The following PAPSS1 variants were observed in gnomAD, a reference collection of about 807,000 sequenced individuals.
PAPSS1 encodes 3'-phosphoadenosine 5'-phosphosulfate synthase 1.
In PAPSS1, 50 loss-of-function variants were observed where a neutral mutation model predicts 72.0. The ratio of observed to expected loss-of-function variants is 0.69; its 90% CI spans 0.55 to 0.88. The LOEUF is 0.88. PAPSS1 is among the 40% of genes least tolerant of loss of function. The pLI is 0.00. For synonymous variants in PAPSS1, 261 were observed against 263.6 expected (o/e 0.99, Z 0.09); for missense variants, 657 against 782.2 (o/e 0.84, Z 1.91).
At chr4:107,629,932 C>A (rs1345639385) in intron 11 of PAPSS1, among the ~76,000 whole-genome samples, 4 of 152,180 alleles carry the variant, frequency 2.6e-5, no homozygotes, top group Admixed American at 2.6e-4. Context: ...CAAACAAGGG[C>A]AATTTTACAG....
intron 3 of PAPSS1, among the ~76,000 whole-genome samples, chr4:107,691,147 T>G (rs1722909537): frequency 6.6e-6 from 1 of 151,884 alleles, no homozygotes; most frequent in Non-Finnish European, 1.5e-5. Flanking sequence ...AATCTAACAC[T>G]TATCCATAAT....
chr4:107,637,396 T>G (rs915592202), intron 10 of PAPSS1, among the ~76,000 whole-genome samples: 2 of 152,198 alleles, frequency 1.3e-5, no homozygotes, highest in African/African-American at 2.4e-5. Context: ...AAAAACCTAC[T>G]TTTCAAATTT....
intron 1 of PAPSS1, among the ~76,000 whole-genome samples, chr4:107,704,740 C>T (rs1344278779): frequency 2.0e-5 from 3 of 152,112 alleles, no homozygotes; most frequent in African/African-American, 7.2e-5. Flanking sequence ...CACCTGAGGT[C>T]AGGGGTTTGA....
intron 9 of PAPSS1, among the ~76,000 whole-genome samples, chr4:107,648,957 C>A (rs1026774206): frequency 2.0e-5 from 3 of 152,188 alleles, no homozygotes. Context: ...GAATTTTTCA[C>A]AAAACTGGTA....
At chr4:107,639,906 C>T (rs865907102) in intron 10 of PAPSS1, among the ~76,000 whole-genome samples, 3 of 152,180 alleles carry the variant, frequency 2.0e-5, no homozygotes, top group Admixed American at 6.5e-5. Flanking sequence ...GGTATCCACT[C>T]GCTTACACAG....
intron 10 of PAPSS1, among the ~76,000 whole-genome samples, chr4:107,633,857 T>A (rs999484569): frequency 6.9e-6 from 1 of 144,954 alleles, no homozygotes; most frequent in Non-Finnish European, 1.5e-5. Flanking sequence ...AGGCGGAGCT[T>A]GCAGTGAGCT....
chr4:107,635,593 T>G (rs556055293), intron 10 of PAPSS1, among the ~76,000 whole-genome samples: 1 of 152,124 alleles, frequency 6.6e-6, no homozygotes, highest in East Asian at 1.9e-4. Flanking sequence ...TCCTACAAAC[T>G]GTTTTTATGA....
chr4:107,681,373 A>G (rs1039747958), intron 5 of PAPSS1, among the ~76,000 whole-genome samples: 17 of 152,180 alleles, frequency 1.1e-4, no homozygotes, highest in Non-Finnish European at 1.2e-4. Context: ...TGACCCTCCA[A>G]TGAAATGGGG....
Position 107,711,995 on chromosome 4 carries a change from C to A in PAPSS1, c.60+8125G>T, listed in dbSNP as rs137938284. On this transcript the variant is annotated intron_variant, in intron 1 of 11. Transcript: ENST00000265174. ...TTAGGAAGCAAATCTCAGGCCCTACCACAGACGTCCTGAATCAGGACTAAG... is the reference window on the plus strand; with the variant it reads ...TTAGGAAGCAAATCTCAGGCCCTACAACAGACGTCCTGAATCAGGACTAAG... Among the ~76,000 whole-genome samples the A allele has an allele frequency of 4.2e-3, 646 of 152,312 alleles. 3 individuals are homozygous for A. The highest frequency in any genetic ancestry group is 0.015 in the African/African-American group (613 of 41,576).
At chr4:107,653,895 T>G (rs1726926785) in intron 8 of PAPSS1, among the ~76,000 whole-genome samples, 1 of 152,198 alleles carries the variant, frequency 6.6e-6, no homozygotes, top group Non-Finnish European at 1.5e-5. Context: ...ACAAAAACAT[T>G]CTTTTCGTTA....
At chr4:107,706,908 A>C (rs1223073913) in intron 1 of PAPSS1, among the ~76,000 whole-genome samples, 1 of 152,150 alleles carries the variant, frequency 6.6e-6, no homozygotes, top group Non-Finnish European at 1.5e-5. Flanking sequence ...GCTGGAGCGG[A>C]TGTGGAAGCC....
intron 2 of PAPSS1, among the ~76,000 whole-genome samples, chr4:107,694,953 A>G (rs1300109295): frequency 1.2e-4 from 1 of 8,608 alleles, no homozygotes; most frequent in Non-Finnish European, 1.8e-3. Context: ...AACTGGAATA[A>G]AAAAAAAAAT....
rs1725751221 is a variant in PAPSS1, at chr4:107,613,778, G to C, written c.*471C>G. On this transcript the variant is annotated 3_prime_UTR_variant, in exon 12 of 12. Coordinates refer to ENST00000265174, the MANE Select transcript of PAPSS1 (RefSeq NM_005443.5). ...GGAAAGACCAATAGCTGACTGGAAA[G>C]AAGAAAGGAAGCAGTTTCTATTTTC... 6.6e-6 allele frequency: 1 copy of C among 152,086 alleles called. No individual in the cohort carries two copies. The allele number at this position is 152,086 out of a possible 1,614,324, so 9.4% of individuals were successfully genotyped here. A position where few individuals can be genotyped will look rare whatever the true frequency, so the allele number is the denominator to read the frequency against.
chr4:107,625,634 C>A (rs1209087148), intron 11 of PAPSS1, among the ~76,000 whole-genome samples: 2 of 152,200 alleles, frequency 1.3e-5, no homozygotes, highest in Non-Finnish European at 2.9e-5. Flanking sequence ...AGAACCCTGT[C>A]AAGCACACCC....
In PAPSS1 at chr4:107,701,157, T is replaced by C. The variant is rs764923711; in HGVS notation, c.175+14A>G. Reference sequence around the variant, plus strand: ...TGCTTTTAAAATAAACTGCTTTCTCTCTCTTGACCATACCTGTTAGCCAAA... The same window carrying C: ...TGCTTTTAAAATAAACTGCTTTCTCCCTCTTGACCATACCTGTTAGCCAAA... On this transcript the variant is annotated intron_variant, in intron 2 of 11. Coordinates refer to ENST00000265174, the MANE Select transcript of PAPSS1 (RefSeq NM_005443.5). 4 of 1,566,080 alleles carry C rather than the reference T, an allele frequency of 2.6e-6. No homozygotes were observed. The Admixed American group carries it at 6.8e-5, about 27-fold the overall frequency.
In PAPSS1 at chr4:107,672,811, C is replaced by T. The variant is rs371723764; in HGVS notation, c.669+9204G>A. ...CCAAGCCTAACTGGGAGGCACCCCCCAGTAGGGGCAGACTGACACCTCACA... is the reference window on the plus strand; with the variant it reads ...CCAAGCCTAACTGGGAGGCACCCCCTAGTAGGGGCAGACTGACACCTCACA... On this transcript the variant is annotated intron_variant, in intron 5 of 11. Coordinates refer to ENST00000265174, the MANE Select transcript of PAPSS1 (RefSeq NM_005443.5). 8.5e-5 allele frequency among the ~76,000 whole-genome samples: 13 copies of T among 152,332 alleles called. No homozygotes were observed. In the East Asian group the frequency reaches 1.5e-3, roughly 18 times the overall value.
chr4:107,641,709 A>G (rs1726549164), intron 10 of PAPSS1, among the ~76,000 whole-genome samples: 1 of 152,186 alleles, frequency 6.6e-6, no homozygotes, highest in Admixed American at 6.5e-5. Context: ...ATATTATATT[A>G]AACACCAAAG....
intron 9 of PAPSS1, among the ~76,000 whole-genome samples, chr4:107,649,000 T>G (rs1726772458): frequency 6.6e-6 from 1 of 152,238 alleles, no homozygotes; most frequent in African/African-American, 2.4e-5. Context: ...AGCAATGAAC[T>G]ACTTTCTATT....
At chr4:107,663,680 G>A (rs4956023) in intron 5 of PAPSS1, among the ~76,000 whole-genome samples, 128,874 of 152,136 alleles carry the variant, frequency 0.85, 56,020 homozygotes, top group South Asian at 0.97. Context: ...AGAATACTCA[G>A]TAATTAGAGT....
Sources: gnomAD v4.1 joint callset for allele counts (sites outside exome capture counted in the v4.1 genomes callset) on GRCh38, gnomAD v4.1.1 for gene constraint, MANE v1.5 for transcripts, NCBI Gene and HGNC (gene_info 2026-07-23, HGNC 2026-07-21) for gene names.